KIF19: variants seen among roughly 807,000 people sequenced by gnomAD.
The protein encoded by KIF19 is kinesin family member 19.
A neutral mutation model predicts 106.6 loss-of-function variants in KIF19; 98 were observed. That is an observed-to-expected ratio of 0.92 (90% CI 0.78 to 1.09). KIF19 has a LOEUF of 1.09. KIF19 is among the 50% of genes least tolerant of loss of function. The pLI, the probability that KIF19 is intolerant of heterozygous loss-of-function variation, is 0.00. For missense variants in KIF19, 1,373 were observed against 1,414.3 expected, an observed-to-expected ratio of 0.97 and a Z score of 0.47; for synonymous variants, 516 against 584.2, an observed-to-expected ratio of 0.88 and a Z score of 1.68.
intron 6 of KIF19, 29 bp from the exon 7 acceptor site, chr17:74,344,732 A>G: frequency 6.3e-7 from 1 of 1,588,856 alleles, no homozygotes; most frequent in Non-Finnish European, 8.6e-7. Context: ...GGCAGTCGCT[A>G]AGAGCTGCCT....
At chr17:74,350,326 G>T (rs757393023) in intron 10 of KIF19, 75 bp from the exon 11 acceptor site, 17 of 1,395,614 alleles carry the variant, frequency 1.2e-5, no homozygotes, top group Admixed American at 2.3e-5. Context: ...AGGAGGGGAG[G>T]GGCCCAGGTG....
intron 2 of KIF19, among the ~76,000 whole-genome samples, chr17:74,339,344 A>G (rs1010774): frequency 0.48 from 72,532 of 151,608 alleles, 18,059 homozygotes; most frequent in East Asian, 0.55. Context: ...CAACTTCCCC[A>G]TCTGAGAAGA....
At chr17:74,353,066 G>A in intron 15 of KIF19, 112 bp downstream of exon 15, 1 of 1,447,340 alleles carries the variant, frequency 6.9e-7, no homozygotes, top group Non-Finnish European at 9.5e-7. Context: ...GGAGCAGGTG[G>A]CCCAGGTCTG....
chr17:74,333,061 G>A (rs148726532), intron 2 of KIF19, among the ~76,000 whole-genome samples: 33 of 152,346 alleles, frequency 2.2e-4, no homozygotes, highest in African/African-American at 7.5e-4. Flanking sequence ...TCAGCTGCCC[G>A]AGCCCAGAAG....
intron 14 of KIF19, 98 bp from the exon 15 acceptor site, chr17:74,352,723 C>T (rs2054752163): frequency 6.8e-7 from 1 of 1,480,202 alleles, no homozygotes; most frequent in Non-Finnish European, 9.3e-7. Context: ...CCCAGGCCAT[C>T]TTACAGCCCT....
At position 74,344,868 on chromosome 17, in the gene KIF19, G is replaced by T. The variant is rs1474691389; in HGVS notation, c.690G>T (p.Gln230His). The T allele has an allele frequency of 1.2e-6, 2 of 1,612,662 alleles. No individual in the cohort carries two copies. Among genetic ancestry groups the T allele is most frequent in the African/African-American group, 2.7e-5 (2 of 74,962 alleles). Residue 230 changes from glutamine to histidine, a missense_variant, in exon 7 of 20, where the codon CAG (glutamine) becomes CAT (histidine). This residue lies in a region of KIF19 where 348 missense variants were observed against 389.5 expected (regional missense o/e 0.89). Transcript: ENST00000389916. ...CGGTACTGCAGGTGACCGTGCGCCA[G>T]CGCAGCCGGGTCAAGAACATCTTGC... ...SHAVLQVTVR[Q>H]RSRVKNILQE... is the part of the protein sequence containing the mutation.
chr17:74,354,240 A>T lies in KIF19; in HGVS notation c.2387A>T (p.Glu796Val), dbSNP rs1490321593. 1 of 1,608,438 alleles carries T rather than the reference A, an allele frequency of 6.2e-7. No individual in the cohort carries two copies. The highest frequency in any genetic ancestry group is 8.5e-7 in the Non-Finnish European group (1 of 1,179,418). The change falls in exon 18 of 20, where the codon GAG (glutamate) becomes GTG (valine). Residue 796 changes from glutamate to valine, a missense_variant. Glu to Val is a moderately radical substitution (Grantham distance 121, BLOSUM62 -2). Transcript: ENST00000389916. ...CGGCGCTCGCGGGCCCTGGGAACCG[A>T]GGGGCGACACCTGCTGGCACCCGCG... ...ARRRSRALGT[E>V]GRHLLAPATE...
intron 1 of KIF19, among the ~76,000 whole-genome samples, chr17:74,327,422 C>T (rs1445140729): frequency 6.6e-6 from 1 of 152,228 alleles, no homozygotes; most frequent in Non-Finnish European, 1.5e-5. Context: ...CTGAAGATGC[C>T]ACTAAAGGTG....
chr17:74,342,131 CA>C (rs2054395037), intron 3 of KIF19, 145 bp downstream of exon 3: 1 of 648,146 alleles, frequency 1.5e-6, no homozygotes, highest in Admixed American at 2.8e-5. Flanking sequence ...CTTCCCCATT[CA>C]GGAAGGTTCT....
At chr17:74,336,479 C>T (rs544154053) in intron 2 of KIF19, among the ~76,000 whole-genome samples, 12 of 152,304 alleles carry the variant, frequency 7.9e-5, no homozygotes, top group Middle Eastern at 3.4e-3. Context: ...ATAAAGGGCT[C>T]CCCCTACTCC....
At chr17:74,355,082 C>G (rs945543486) in intron 19 of KIF19, 100 bp from the exon 20 acceptor site, 6 of 1,541,422 alleles carry the variant, frequency 3.9e-6, no homozygotes, top group Admixed American at 1.8e-5. Context: ...GACTGGCATC[C>G]TGGGGTGGTG....
chr17:74,347,636 C>A, intron 8 of KIF19, 141 bp from the exon 9 acceptor site: 1 of 925,050 alleles, frequency 1.1e-6, no homozygotes, highest in South Asian at 1.6e-5. Context: ...AAGCCTCACA[C>A]CATATGACGC....
At chr17:74,347,351 C>T (rs773821592) in intron 8 of KIF19, among the ~76,000 whole-genome samples, 37 of 151,992 alleles carry the variant, frequency 2.4e-4, no homozygotes, top group Admixed American at 1.4e-3. Context: ...AGCCTGGCCA[C>T]CATGGTGAAA....
intron 18 of KIF19, 34 bp from the exon 19 acceptor site, chr17:74,354,748 C>A: frequency 6.5e-7 from 1 of 1,544,366 alleles, no homozygotes; most frequent in Non-Finnish European, 8.8e-7. Context: ...CCCTGTGCCG[C>A]TCTCGGCCTC....
rs1334939661 is a variant in KIF19 at position 74,352,356 on chromosome 17, G to A, written c.1980+16G>A. The A allele has an allele frequency of 1.3e-6, 2 of 1,598,594 alleles. No individual in the cohort carries two copies. Among genetic ancestry groups the A allele is most frequent in the East Asian group, 2.3e-5 (1 of 44,314 alleles). On this transcript the variant is annotated intron_variant, in intron 14 of 19. Transcript: ENST00000389916. ...GGCCCTGCAGGTGGGTGGGCGCCTGGGCGGCCTGAACATGGGCACATGTGC... is the reference window on the plus strand; with the variant it reads ...GGCCCTGCAGGTGGGTGGGCGCCTGAGCGGCCTGAACATGGGCACATGTGC...
chr17:74,348,130 G>T (rs1172117319), intron 9 of KIF19, among the ~76,000 whole-genome samples: 1 of 152,214 alleles, frequency 6.6e-6, no homozygotes, highest in Non-Finnish European at 1.5e-5. Flanking sequence ...CCAGGACTGT[G>T]CTCCCCCTGC....
chr17:74,342,987 C>T, intron 4 of KIF19, 37 bp from the exon 5 acceptor site: 1 of 1,560,958 alleles, frequency 6.4e-7, no homozygotes. Flanking sequence ...TCCCTCCCAG[C>T]CCCACCCCGG....
rs756717798 is a variant in KIF19 at position 74,342,650 on chromosome 17, C to A, written c.252C>A (p.Thr84=). The change falls in exon 4 of 20, where the codon ACC becomes ACA. Residue 84 remains threonine, a synonymous_variant. Transcript: ENST00000389916. ...TATQEMVYQA[T]TKSLIEGVIS... ...CGCAGGAGATGGTGTATCAGGCCAC[C>A]ACCAAGAGCCTCATCGAGGGCGTCA... is the stretch of plus-strand genomic sequence containing the variant. 1.9e-6 allele frequency: 3 copies of A among 1,613,496 alleles called. No homozygotes were observed. In the African/African-American group the frequency reaches 4.0e-5, roughly 22 times the overall value.
intron 2 of KIF19, among the ~76,000 whole-genome samples, chr17:74,340,671 T>C (rs1282085493): frequency 1.3e-5 from 2 of 152,102 alleles, no homozygotes; most frequent in African/African-American, 2.4e-5. Context: ...CTGCCTCCCT[T>C]TCCACCCTTT....
Sources: gnomAD v4.1 joint callset for allele counts (sites outside exome capture counted in the v4.1 genomes callset) on GRCh38, gnomAD v4.1.1 for gene constraint, gnomAD v4.1.1 regional missense constraint, MANE v1.5 for transcripts, NCBI Gene and HGNC (gene_info 2026-07-23, HGNC 2026-07-21) for gene names.